Variants in CEP63 observed in about 807,000 individuals in gnomAD.
CEP63 encodes centrosomal protein of 63 kDa.
CEP63 carries 84 observed loss-of-function variants against 89.1 expected under a neutral mutation model. That is an observed-to-expected ratio of 0.94 (90% confidence interval 0.79 to 1.13). CEP63 has a LOEUF of 1.13. Ranked by LOEUF, CEP63 falls within the 50% of genes most tolerant of loss-of-function variation. The pLI, the probability that CEP63 is intolerant of heterozygous loss-of-function variation, is 0.00. For missense variants in CEP63, 838 were observed against 813.3 expected (o/e 1.03, Z -0.37); for synonymous variants, 267 against 272.5 (o/e 0.98, Z 0.20).
chr3:134,505,992 G>A (rs1943348942), intron 2 of CEP63, among the ~76,000 whole-genome samples: 1 of 152,126 alleles, frequency 6.6e-6, no homozygotes, highest in Non-Finnish European at 1.5e-5. Context: ...GACTTTTTTT[G>A]GGTTGTTTGC....
At chr3:134,486,000 C>CGT (rs1935145728), upstream of CEP63, 8 of 965,758 alleles carry the variant, frequency 8.3e-6, no homozygotes, top group Non-Finnish European at 9.8e-6. Context: ...CGCCCCCCCC[C>CGT]CCTCCCCCGC....
chr3:134,664,143 C>T, the CEP63 span, among the ~76,000 whole-genome samples: 9 of 152,164 alleles, frequency 5.9e-5, no homozygotes, highest in South Asian at 4.1e-4. Flanking sequence ...TTCAATTTAC[C>T]GCCTGCTCTT....
At chr3:134,763,228 C>G in the CEP63 span, among the ~76,000 whole-genome samples, 1 of 152,100 alleles carries the variant, frequency 6.6e-6, no homozygotes, top group Non-Finnish European at 1.5e-5. Context: ...TATCCCTCCC[C>G]GCTCCCTCCA....
At chr3:134,711,150 G>A in the CEP63 span, among the ~76,000 whole-genome samples, 6 of 152,188 alleles carry the variant, frequency 3.9e-5, no homozygotes, top group South Asian at 2.1e-4. Flanking sequence ...CAGTATTTAC[G>A]TTAGTATGAC....
At chr3:134,720,738 C>A in the CEP63 span, among the ~76,000 whole-genome samples, 12 of 152,052 alleles carry the variant, frequency 7.9e-5, no homozygotes, top group African/African-American at 2.9e-4. Context: ...AGAGGTTATT[C>A]TTTCCCCATT....
At chr3:134,675,020 T>C in the CEP63 span, among the ~76,000 whole-genome samples, 2 of 152,210 alleles carry the variant, frequency 1.3e-5, no homozygotes, top group Non-Finnish European at 2.9e-5. Context: ...CTGCCTTTTA[T>C]TGTAGAAACT....
At chr3:134,688,419 G>A in the CEP63 span, among the ~76,000 whole-genome samples, 3 of 152,214 alleles carry the variant, frequency 2.0e-5, no homozygotes, top group African/African-American at 7.2e-5. Context: ...ACTTTTTGGG[G>A]TGAGAGAAAT....
At chr3:134,775,786 G>A in the CEP63 span, among the ~76,000 whole-genome samples, 1 of 152,084 alleles carries the variant, frequency 6.6e-6, no homozygotes, top group African/African-American at 2.4e-5. Flanking sequence ...GGACCATTAG[G>A]GGAGTTATCT....
At chr3:134,756,624 G>C in the CEP63 span, among the ~76,000 whole-genome samples, 1 of 152,188 alleles carries the variant, frequency 6.6e-6, no homozygotes, top group South Asian at 2.1e-4. Flanking sequence ...AAAGTGCTAG[G>C]ATTACAGGCG....
the CEP63 span, among the ~76,000 whole-genome samples, chr3:134,644,434 G>C: frequency 6.6e-6 from 1 of 152,308 alleles, no homozygotes; most frequent in Admixed American, 6.5e-5. Context: ...AGCTGCTGCT[G>C]TGGCCTGCTG....
the CEP63 span, among the ~76,000 whole-genome samples, chr3:134,702,178 G>C: frequency 3.3e-5 from 5 of 151,890 alleles, no homozygotes; most frequent in African/African-American, 1.2e-4. Flanking sequence ...GACCTCTTCT[G>C]GGAGAACTAC....
chr3:134,614,084 A>G, the CEP63 span, among the ~76,000 whole-genome samples: 95,473 of 152,022 alleles, frequency 0.63, 30,446 homozygotes, highest in East Asian at 0.87. Flanking sequence ...TGGATATGGG[A>G]ACTGTCACTG....
chr3:134,648,413 G>A, the CEP63 span, among the ~76,000 whole-genome samples: 1 of 152,188 alleles, frequency 6.6e-6, no homozygotes, highest in East Asian at 1.9e-4. Flanking sequence ...CTATGGAGTA[G>A]AATACACAAA....
At chr3:134,494,169 G>GC (rs2108002362) in intron 1 of CEP63, among the ~76,000 whole-genome samples, 1 of 151,698 alleles carries the variant, frequency 6.6e-6, no homozygotes, top group East Asian at 1.9e-4. Context: ...AGGCTGTAGT[G>GC]CAATGGTGTG....
At chr3:134,594,085 T>G in the CEP63 span, among the ~76,000 whole-genome samples, 1 of 152,364 alleles carries the variant, frequency 6.6e-6, no homozygotes, top group Non-Finnish European at 1.5e-5. Flanking sequence ...ATCTCCTTGG[T>G]GTTCACATAC....
chr3:134,522,403 A>G (rs1017598577), intron 3 of CEP63, among the ~76,000 whole-genome samples: 3 of 152,152 alleles, frequency 2.0e-5, no homozygotes, highest in African/African-American at 7.2e-5. Context: ...CTAGTGAAAG[A>G]AGAGAGCCAA....
chr3:134,497,033 C>T (rs900533121), intron 2 of CEP63, among the ~76,000 whole-genome samples: 11 of 152,106 alleles, frequency 7.2e-5, no homozygotes, highest in Non-Finnish European at 1.2e-4. Flanking sequence ...TGGTGTCGAC[C>T]ATTTTTTCAT....
the CEP63 span, among the ~76,000 whole-genome samples, chr3:134,690,625 C>G: frequency 6.6e-6 from 1 of 152,074 alleles, no homozygotes; most frequent in African/African-American, 2.4e-5. Flanking sequence ...CAATAGATCT[C>G]AAACTCTTTG....
chr3:134,551,314 C>T (rs7374158), intron 11 of CEP63, among the ~76,000 whole-genome samples: 100,139 of 151,812 alleles, frequency 0.66, 33,407 homozygotes, highest in East Asian at 0.81. Flanking sequence ...GAAAGCATAG[C>T]GTAAGAAGAG....
Sources: allele counts gnomAD v4.1 joint callset (sites outside exome capture counted in the v4.1 genomes callset), GRCh38; gene constraint gnomAD v4.1.1; transcripts MANE v1.5; gene names NCBI Gene and HGNC (gene_info 2026-07-23, HGNC 2026-07-21).